TFCP2: variants seen among roughly 807,000 people sequenced by gnomAD.
TFCP2 encodes the protein transcription factor CP2.
In TFCP2, 33 loss-of-function variants were observed where a neutral mutation model predicts 73.4. The ratio of observed to expected loss-of-function variants is 0.45; its 90% CI spans 0.34 to 0.60. The LOEUF (loss-of-function observed/expected upper bound fraction) is 0.60, where lower values mean the gene tolerates loss of function less well. Ranked by LOEUF, TFCP2 falls within the 20% of genes least tolerant of loss-of-function variation. The probability of loss-of-function intolerance (pLI) is 0.01; values close to 1 mark genes in which losing one functional copy is unlikely to be tolerated. For missense variants in TFCP2, 352 were observed against 604.0 expected (o/e 0.58, Z 4.37); for synonymous variants, 193 against 211.6 (o/e 0.91, Z 0.76).
chr12:51,170,329 T>C (rs1421869894), intron 1 of TFCP2, among the ~76,000 whole-genome samples: 2 of 146,964 alleles, frequency 1.4e-5, no homozygotes, highest in East Asian at 4.0e-4. Flanking sequence ...TTTTTCTTAA[T>C]TTTTAAAATC....
chr12:51,139,010 T>C (rs1322018527), intron 1 of TFCP2, among the ~76,000 whole-genome samples: 4 of 152,172 alleles, frequency 2.6e-5, no homozygotes, highest in Non-Finnish European at 4.4e-5. Context: ...TGTAACCAGT[T>C]AGACCTGATG....
intron 8 of TFCP2, among the ~76,000 whole-genome samples, chr12:51,106,295 G>A (rs1031319178): frequency 6.6e-6 from 1 of 151,930 alleles, no homozygotes; most frequent in Non-Finnish European, 1.5e-5. Context: ...CTAGTGGGGG[G>A]AAAAAAGACG....
At chr12:51,157,681 CTTTTCT>C (rs533315074) in intron 1 of TFCP2, among the ~76,000 whole-genome samples, 7,716 of 77,180 alleles carry the variant, frequency 0.1, 185 homozygotes, top group Middle Eastern at 0.14. Context: ...TTTTTCTTTT[CTTTTCT>C]TTTTTTTTTT....
intron 14 of TFCP2, among the ~76,000 whole-genome samples, chr12:51,095,750 G>A (rs570025384): frequency 1.5e-5 from 2 of 136,448 alleles, no homozygotes; most frequent in South Asian, 2.4e-4. Context: ...GGAAGCGAAG[G>A]TTGTAGTGAG....
At position 51,156,426 on chromosome 12, in the gene TFCP2, C is replaced by T. The variant is rs1941539013; in HGVS notation, c.122+15875G>A. On this transcript the variant is annotated intron_variant, in intron 1 of 14. Transcript: ENST00000257915. ...AATGCACTCATTACCATAGGGACCA[C>T]ACCAAGCCATTCCTGAGGGATAAAC... 2.0e-5 allele frequency among the ~76,000 whole-genome samples: 3 copies of T among 152,098 alleles called. No homozygotes were observed. The South Asian group carries it at 6.2e-4, about 32-fold the overall frequency.
intron 1 of TFCP2, among the ~76,000 whole-genome samples, chr12:51,132,820 C>T (rs571956223): frequency 5.3e-5 from 8 of 152,190 alleles, no homozygotes; most frequent in South Asian, 2.1e-4. Context: ...GGAAAGAGAG[C>T]GAGCTCCAGC....
At chr12:51,169,230 G>A (rs1473867352) in intron 1 of TFCP2, among the ~76,000 whole-genome samples, 1 of 152,082 alleles carries the variant, frequency 6.6e-6, no homozygotes, top group Non-Finnish European at 1.5e-5. Flanking sequence ...TGGGTGCAGT[G>A]GCTCACGCCT....
At chr12:51,099,132 T>C (rs866488111) in intron 12 of TFCP2, among the ~76,000 whole-genome samples, 1 of 152,148 alleles carries the variant, frequency 6.6e-6, no homozygotes, top group East Asian at 1.9e-4. Context: ...GAGATAACAG[T>C]AAAATCCTCC....
chr12:51,099,477 CA>C (rs11296144), intron 12 of TFCP2, among the ~76,000 whole-genome samples, 177 bp downstream of exon 12: 115,089 of 138,234 alleles, frequency 0.83, 47,406 homozygotes, highest in Non-Finnish European at 0.89. Flanking sequence ...GACTCTGTCT[CA>C]AAAAAAAAAA....
At chr12:51,122,043 T>C (rs568451236) in intron 1 of TFCP2, among the ~76,000 whole-genome samples, 74 of 152,212 alleles carry the variant, frequency 4.9e-4, no homozygotes, top group African/African-American at 1.7e-3. Context: ...AAATTATTAC[T>C]GGAAAATAAA....
At chr12:51,161,744 C>A (rs2137044099) in intron 1 of TFCP2, among the ~76,000 whole-genome samples, 1 of 104,300 alleles carries the variant, frequency 9.6e-6, no homozygotes, top group East Asian at 2.7e-4. Flanking sequence ...GCCTGGGAGA[C>A]AGCAAGACTC....
intron 13 of TFCP2, 149 bp downstream of exon 13, chr12:51,098,627 A>G (rs1272281472): frequency 3.1e-6 from 3 of 962,548 alleles, no homozygotes; most frequent in East Asian, 2.7e-5. Context: ...CTGTTTCAAA[A>G]AAAAAAAAAA....
intron 1 of TFCP2, among the ~76,000 whole-genome samples, chr12:51,164,130 C>A (rs910361699): frequency 1.6e-4 from 24 of 152,004 alleles, no homozygotes; most frequent in African/African-American, 4.8e-4. Flanking sequence ...TTGAGCCCAG[C>A]AGTTTGAGGT....
intron 11 of TFCP2, among the ~76,000 whole-genome samples, chr12:51,100,111 AC>A (rs779149564): frequency 6.6e-6 from 1 of 152,098 alleles, no homozygotes; most frequent in Admixed American, 6.6e-5. Flanking sequence ...TCTTCACTAT[AC>A]CCCAGTCTTG....
chr12:51,157,660 G>C (rs1011364412), intron 1 of TFCP2, among the ~76,000 whole-genome samples: 2 of 138,038 alleles, frequency 1.4e-5, no homozygotes, highest in Non-Finnish European at 3.2e-5. Flanking sequence ...TAGTATTTCA[G>C]TAATTTGAGT....
intron 1 of TFCP2, among the ~76,000 whole-genome samples, chr12:51,167,455 C>T (rs886240426): frequency 7.2e-5 from 11 of 151,842 alleles, no homozygotes; most frequent in African/African-American, 2.2e-4. Context: ...TGCAGTGGCT[C>T]GATCTTGGCT....
intron 8 of TFCP2, among the ~76,000 whole-genome samples, chr12:51,106,000 A>G (rs1443642435): frequency 1.3e-5 from 2 of 152,248 alleles, no homozygotes; most frequent in Non-Finnish European, 2.9e-5. Flanking sequence ...AGGCAAGATT[A>G]AATGTATCCC....
At chr12:51,125,105 A>C (rs1312725885) in intron 1 of TFCP2, 1 of 754,432 alleles carries the variant, frequency 1.3e-6, no homozygotes, top group Admixed American at 1.7e-5. Flanking sequence ...AGATGCGAGG[A>C]AGCTGGCTAG....
Position 51,158,259 on chromosome 12 carries a change from C to A in TFCP2, c.122+14042G>T, listed in dbSNP as rs897755636. Among the ~76,000 whole-genome samples the A allele has an allele frequency of 2.0e-5, 3 of 151,972 alleles. 1 individual carries two copies. The highest frequency in any genetic ancestry group is 2.9e-5 in the Non-Finnish European group (2 of 67,996). On this transcript the variant is annotated intron_variant, in intron 1 of 14. Coordinates refer to ENST00000257915, the MANE Select transcript of TFCP2 (RefSeq NM_005653.5). ...TCTTGAACTCTGACCTCAAGAGAGC[C>A]CCCCCATTCCTAAAGCACTGGTATT...
Sources: gnomAD v4.1 joint callset for allele counts (sites outside exome capture counted in the v4.1 genomes callset) on GRCh38, gnomAD v4.1.1 for gene constraint, MANE v1.5 for transcripts, NCBI Gene and HGNC (gene_info 2026-07-23, HGNC 2026-07-21) for gene names.